Variants in HTR1F observed in about 807,000 individuals in gnomAD.
The protein encoded by HTR1F is 5-hydroxytryptamine receptor 1F.
HTR1F carries 17 observed loss-of-function variants against 24.0 expected under a neutral mutation model. The observed-to-expected ratio is 0.71, with a 90% CI of 0.48 to 1.06. The LOEUF is 1.06. Ranked by LOEUF, HTR1F falls within the 50% of genes least tolerant of loss-of-function variation. The pLI is 0.00. For missense variants in HTR1F, 391 were observed against 427.8 expected, an observed-to-expected ratio of 0.91 and a Z score of 0.76; for synonymous variants, 186 against 156.8, an observed-to-expected ratio of 1.19 and a Z score of -1.39.
At chr3:87,796,333 C>G (rs1703905483) in intron 1 of HTR1F, among the ~76,000 whole-genome samples, 1 of 151,752 alleles carries the variant, frequency 6.6e-6, no homozygotes, top group Non-Finnish European at 1.5e-5. Flanking sequence ...TATGAGAAGA[C>G]AAAGGAACAG....
chr3:87,983,819 G>A (rs957554811), intron 2 of HTR1F, among the ~76,000 whole-genome samples: 1 of 152,172 alleles, frequency 6.6e-6, no homozygotes, highest in Non-Finnish European at 1.5e-5. Context: ...CCTTTTGAAG[G>A]TTATAATTTC....
At position 87,958,779 on chromosome 3, in the gene HTR1F, A is replaced by G. The variant is rs79084498; in HGVS notation, c.-42-31929A>G. On this transcript the variant is annotated intron_variant, in intron 2 of 2. Transcript: ENST00000319595. ...CTGTTATTTTGCCATCTCTCTTGCC[A>G]ATCTGATTGTGCCTTATCTCCTTCA... Among the ~76,000 whole-genome samples the G allele has an allele frequency of 5.7e-3, 859 of 151,660 alleles. 9 individuals are homozygous for G. Among genetic ancestry groups the G allele is most frequent in the African/African-American group, 0.02 (818 of 41,432 alleles).
At chr3:87,979,180 C>T (rs1004452390) in intron 2 of HTR1F, among the ~76,000 whole-genome samples, 16 of 148,238 alleles carry the variant, frequency 1.1e-4, no homozygotes, top group African/African-American at 3.8e-4. Flanking sequence ...GTGCTACACC[C>T]TAATCGGCAG....
intron 1 of HTR1F, among the ~76,000 whole-genome samples, chr3:87,806,891 C>T (rs555861484): frequency 4.6e-5 from 7 of 151,580 alleles, no homozygotes; most frequent in Admixed American, 1.3e-4. Flanking sequence ...ATTGAAGAGA[C>T]TCCCCAATGT....
chr3:87,955,245 T>C (rs2107469163), intron 2 of HTR1F, among the ~76,000 whole-genome samples: 1 of 151,586 alleles, frequency 6.6e-6, no homozygotes, highest in African/African-American at 2.4e-5. Flanking sequence ...CAACCATTCA[T>C]CTGCTTTTTC....
intron 1 of HTR1F, among the ~76,000 whole-genome samples, chr3:87,795,083 G>A (rs1010909315): frequency 7.1e-6 from 1 of 141,766 alleles, no homozygotes; most frequent in Non-Finnish European, 1.5e-5. Context: ...TGACTCCCTG[G>A]TTCAAGCGAT....
chr3:87,860,759 A>C (rs537932716), intron 2 of HTR1F, among the ~76,000 whole-genome samples: 2 of 152,278 alleles, frequency 1.3e-5, no homozygotes, highest in African/African-American at 4.8e-5. Context: ...AGAATATTTA[A>C]ATTTTGTGTT....
At chr3:87,973,714 A>T (rs1393325369) in intron 2 of HTR1F, among the ~76,000 whole-genome samples, 2 of 152,206 alleles carry the variant, frequency 1.3e-5, no homozygotes, top group Non-Finnish European at 2.9e-5. Context: ...CTCCTGTAAA[A>T]TTACTAGGAT....
intron 2 of HTR1F, among the ~76,000 whole-genome samples, chr3:87,978,123 G>C (rs1705438718): frequency 6.6e-6 from 1 of 152,186 alleles, no homozygotes; most frequent in Non-Finnish European, 1.5e-5. Flanking sequence ...CAAGCCTGCA[G>C]CTGGATTAGA....
chr3:87,843,731 T>A (rs1357868638), intron 2 of HTR1F, among the ~76,000 whole-genome samples: 1 of 135,178 alleles, frequency 7.4e-6, no homozygotes, highest in Admixed American at 7.7e-5. Flanking sequence ...CCTGTGTCCA[T>A]GTGATCTCAT....
chr3:87,797,768 T>C (rs543197007), intron 1 of HTR1F, among the ~76,000 whole-genome samples: 1 of 152,264 alleles, frequency 6.6e-6, no homozygotes, highest in East Asian at 1.9e-4. Context: ...AGATTAAAAG[T>C]AGCTGGAGTG....
chr3:87,858,326 T>C (rs1245491691), intron 2 of HTR1F, among the ~76,000 whole-genome samples: 1 of 152,184 alleles, frequency 6.6e-6, no homozygotes, highest in Non-Finnish European at 1.5e-5. Context: ...CCTGTGAACG[T>C]CTGCAGAAGC....
chr3:87,843,754 A>T (rs1374452979), intron 2 of HTR1F, among the ~76,000 whole-genome samples: 1 of 141,946 alleles, frequency 7.0e-6, no homozygotes, highest in African/African-American at 2.7e-5. Context: ...TTCAGTTCCC[A>T]CCTATGAGTG....
intron 2 of HTR1F, among the ~76,000 whole-genome samples, chr3:87,924,423 G>A (rs961218549): frequency 2.6e-5 from 4 of 151,974 alleles, no homozygotes; most frequent in African/African-American, 4.8e-5. Flanking sequence ...GTAGTGACAC[G>A]ATTTGATTCT....
At chr3:87,924,492 A>T (rs1704080135) in intron 2 of HTR1F, among the ~76,000 whole-genome samples, 1 of 151,988 alleles carries the variant, frequency 6.6e-6, no homozygotes, top group Non-Finnish European at 1.5e-5. Flanking sequence ...ATGTGTTTTC[A>T]TGATGGTAGT....
intron 2 of HTR1F, among the ~76,000 whole-genome samples, chr3:87,935,301 C>G (rs555177581): frequency 2.6e-5 from 4 of 152,166 alleles, no homozygotes; most frequent in African/African-American, 7.2e-5. Context: ...ATACTCCCAT[C>G]ATTGTCTCTC....
chr3:87,963,992 A>T (rs577865212), intron 2 of HTR1F, among the ~76,000 whole-genome samples: 12 of 152,084 alleles, frequency 7.9e-5, no homozygotes, highest in Admixed American at 5.2e-4. Context: ...ATCTCCAGGA[A>T]CTTTCTCCAA....
intron 2 of HTR1F, among the ~76,000 whole-genome samples, chr3:87,970,032 C>G (rs1408145490): frequency 6.6e-6 from 1 of 152,224 alleles, no homozygotes; most frequent in Non-Finnish European, 1.5e-5. Context: ...TCCCCGGCCA[C>G]GTGGAACTGT....
intron 2 of HTR1F, among the ~76,000 whole-genome samples, chr3:87,890,417 T>C (rs1706052891): frequency 6.6e-6 from 1 of 152,140 alleles, no homozygotes; most frequent in Non-Finnish European, 1.5e-5. Flanking sequence ...TGTTAGAGAT[T>C]AAGGTTCTAA....
Sources: gnomAD v4.1 joint callset for allele counts (sites outside exome capture counted in the v4.1 genomes callset) on GRCh38, gnomAD v4.1.1 for gene constraint, MANE v1.5 for transcripts, NCBI Gene and HGNC (gene_info 2026-07-23, HGNC 2026-07-21) for gene names.